SGCZ: variants seen among roughly 807,000 people sequenced by gnomAD.
The protein encoded by SGCZ is sarcoglycan zeta, also known as zeta-sarcoglycan.
SGCZ carries 40 observed loss-of-function variants against 41.3 expected under a neutral mutation model. That is an observed-to-expected ratio of 0.97 (90% CI 0.75 to 1.26). The LOEUF (loss-of-function observed/expected upper bound fraction) is 1.26. SGCZ is among the 50% of genes most tolerant of loss of function. SGCZ has a pLI of 0.00. For missense variants in SGCZ, 552 were observed against 369.8 expected (o/e 1.49, Z -4.04); for synonymous variants, 206 against 137.5 (o/e 1.50, Z -3.49).
At chr8:14,250,030 T>C (rs989456665) in intron 3 of SGCZ, among the ~76,000 whole-genome samples, 5 of 152,210 alleles carry the variant, frequency 3.3e-5, no homozygotes, top group African/African-American at 1.2e-4. Flanking sequence ...ACAAATCATC[T>C]GAAGATATTT....
At chr8:14,368,577 G>C (rs187807637) in intron 2 of SGCZ, among the ~76,000 whole-genome samples, 1 of 152,138 alleles carries the variant, frequency 6.6e-6, no homozygotes, top group East Asian at 1.9e-4. Flanking sequence ...ACATTAAATA[G>C]AACAGTGCTC....
chr8:14,962,602 T>C (rs964560372), intron 1 of SGCZ, among the ~76,000 whole-genome samples: 5 of 152,168 alleles, frequency 3.3e-5, no homozygotes, highest in African/African-American at 7.2e-5. Flanking sequence ...TATGAAAATA[T>C]AGAAAATTCA....
chr8:14,724,911 G>A (rs1000053234), intron 1 of SGCZ, among the ~76,000 whole-genome samples: 17 of 151,220 alleles, frequency 1.1e-4, no homozygotes, highest in African/African-American at 2.7e-4. Flanking sequence ...AACCATAGTC[G>A]CCCTATAGTG....
chr8:15,038,831 AAAAAAAAAG>A (rs1422265642), intron 1 of SGCZ, among the ~76,000 whole-genome samples: 1 of 132,290 alleles, frequency 7.6e-6, no homozygotes, highest in East Asian at 2.1e-4. Context: ...AAAAAAAAAA[AAAAAAAAAG>A]AAAGAAAGAA....
At chr8:14,873,525 G>C (rs1215992349) in intron 1 of SGCZ, among the ~76,000 whole-genome samples, 1 of 152,076 alleles carries the variant, frequency 6.6e-6, no homozygotes, top group Non-Finnish European at 1.5e-5. Flanking sequence ...GGAACACACA[G>C]ATGTCAATCA....
At chr8:14,505,756 C>A (rs552281367) in intron 2 of SGCZ, among the ~76,000 whole-genome samples, 1 of 152,070 alleles carries the variant, frequency 6.6e-6, no homozygotes, top group African/African-American at 2.4e-5. Context: ...TATTTCCAGA[C>A]AATCATACTA....
intron 1 of SGCZ, among the ~76,000 whole-genome samples, chr8:14,817,567 C>T (rs1009307799): frequency 6.6e-6 from 1 of 152,138 alleles, no homozygotes; most frequent in African/African-American, 2.4e-5. Flanking sequence ...CCTGAGACAC[C>T]ATTGTCACTA....
chr8:14,771,602 G>T (rs1800241261), intron 1 of SGCZ, among the ~76,000 whole-genome samples: 1 of 151,894 alleles, frequency 6.6e-6, no homozygotes, highest in African/African-American at 2.4e-5. Flanking sequence ...TTAAAATAAT[G>T]CATTGTACAA....
At chr8:15,009,741 C>A (rs552712745) in intron 1 of SGCZ, among the ~76,000 whole-genome samples, 1 of 152,142 alleles carries the variant, frequency 6.6e-6, no homozygotes, top group Admixed American at 6.5e-5. Context: ...CTCTTCATAT[C>A]TATATGAGAC....
intron 1 of SGCZ, among the ~76,000 whole-genome samples, chr8:14,954,606 G>T (rs1800737993): frequency 6.6e-6 from 1 of 152,108 alleles, no homozygotes; most frequent in South Asian, 2.1e-4. Context: ...TGGAGCAAGG[G>T]ACCCAAAGAA....
At chr8:15,186,309 C>A (rs1226272459) in intron 1 of SGCZ, among the ~76,000 whole-genome samples, 7 of 88,200 alleles carry the variant, frequency 7.9e-5, no homozygotes, top group South Asian at 3.5e-4. Flanking sequence ...AAGTTAATTT[C>A]TCTCGCATGT....
intron 4 of SGCZ, among the ~76,000 whole-genome samples, chr8:14,174,856 AG>A (rs1804495351): frequency 6.6e-6 from 1 of 152,114 alleles, no homozygotes; most frequent in Non-Finnish European, 1.5e-5. Flanking sequence ...AAAGGCTCTG[AG>A]AAAAGGATTT....
intron 2 of SGCZ, among the ~76,000 whole-genome samples, chr8:14,405,137 T>G (rs1799176493): frequency 1.3e-5 from 2 of 152,194 alleles, no homozygotes; most frequent in South Asian, 4.1e-4. Context: ...CTGTGAGTGT[T>G]CACTTTGAAT....
At chr8:14,631,763 T>C (rs995545388) in intron 1 of SGCZ, among the ~76,000 whole-genome samples, 4 of 152,098 alleles carry the variant, frequency 2.6e-5, no homozygotes, top group Non-Finnish European at 5.9e-5. Flanking sequence ...AGAAGGATTA[T>C]AGAACTGAGA....
chr8:14,669,927 T>G (rs1355025601), intron 1 of SGCZ, among the ~76,000 whole-genome samples: 1 of 152,208 alleles, frequency 6.6e-6, no homozygotes, highest in East Asian at 1.9e-4. Context: ...AAACTAACAC[T>G]AAATACAATG....
intron 1 of SGCZ, among the ~76,000 whole-genome samples, chr8:15,040,012 C>A (rs11992163): frequency 0.019 from 2,858 of 152,214 alleles, 80 homozygotes; most frequent in African/African-American, 0.065. Flanking sequence ...AAGTTAATAA[C>A]CAGCAAGTGA....
intron 2 of SGCZ, among the ~76,000 whole-genome samples, chr8:14,388,660 A>G (rs1308765282): frequency 2.0e-5 from 3 of 152,058 alleles, no homozygotes; most frequent in African/African-American, 2.4e-5. Flanking sequence ...ATAAACTCCA[A>G]TTTTAGCTTT....
At chr8:14,401,607 G>C (rs1007535799) in intron 2 of SGCZ, among the ~76,000 whole-genome samples, 1 of 151,474 alleles carries the variant, frequency 6.6e-6, no homozygotes, top group Non-Finnish European at 1.5e-5. Context: ...TCCCTACAAA[G>C]GACATGAACT....
At position 14,984,676 on chromosome 8, in the gene SGCZ, T is replaced by C. The variant is rs1232886440; in HGVS notation, c.39+252909A>G. 5.3e-5 allele frequency among the ~76,000 whole-genome samples: 8 copies of C among 152,208 alleles called. No individual in the cohort carries two copies. In the East Asian group the frequency reaches 1.5e-3, roughly 29 times the overall value. ...ATATTCAGGCATGATTTTCTGGCAA[T>C]ACATATCTTTTGAATAATGTAATAT... On this transcript the variant is annotated intron_variant, in intron 1 of 7. Transcript: ENST00000382080.
Sources: gnomAD v4.1 joint callset for allele counts (sites outside exome capture counted in the v4.1 genomes callset) on GRCh38, gnomAD v4.1.1 for gene constraint, MANE v1.5 for transcripts, NCBI Gene and HGNC (gene_info 2026-07-23, HGNC 2026-07-21) for gene names.